SOHLH1: variants seen among roughly 807,000 people sequenced by gnomAD.
The protein encoded by SOHLH1 is spermatogenesis- and oogenesis-specific basic helix-loop-helix-containing protein 1.
Under a neutral mutation model 36.2 loss-of-function variants are expected in SOHLH1, and 23 were observed. The observed-to-expected ratio is 0.64, with a 90% confidence interval of 0.46 to 0.90. The LOEUF is 0.90. Among genes scored for constraint, SOHLH1 ranks in the 40% least tolerant of loss-of-function variants. The pLI is 0.00. For missense variants in SOHLH1, 608 were observed against 517.0 expected, an observed-to-expected ratio of 1.18 and a Z score of -1.71; for synonymous variants, 289 against 228.3, an observed-to-expected ratio of 1.27 and a Z score of -2.40.
In SOHLH1 at chr9:135,699,303, C is replaced by T. The variant is rs1247906913; in HGVS notation, c.65+100G>A. The stretch of plus-strand genomic sequence containing the variant: ...CTCTCCCAGGGTCCAGGGCTCCGCC[C>T]CAGGAGGCCCAGGATGGGTGGAGCC... On this transcript the variant is annotated intron_variant, in intron 1 of 7. Coordinates refer to ENST00000425225, the MANE Select transcript of SOHLH1 (RefSeq NM_001101677.2). The T allele has an allele frequency of 2.7e-6, 4 of 1,498,658 alleles. No homozygotes were observed. In the African/African-American group the frequency reaches 5.5e-5, roughly 21 times the overall value. 92.8% of individuals were successfully genotyped at this position (1,498,658 alleles called of 1,614,324 possible).
At chr9:135,694,005 G>A (rs534758336) in intron 7 of SOHLH1, 191 bp from the exon 8 acceptor site, 5 of 1,428,516 alleles carry the variant, frequency 3.5e-6, no homozygotes, top group African/African-American at 1.4e-5. Context: ...TGTTGGACCA[G>A]AACCAGGAAC....
At chr9:135,696,489 C>T in intron 5 of SOHLH1, 123 bp downstream of exon 5, 1 of 1,162,976 alleles carries the variant, frequency 8.6e-7, no homozygotes, top group Non-Finnish European at 1.2e-6. Context: ...TTCTCACCAA[C>T]ACAAGGGCCT....
intron 2 of SOHLH1, 68 bp from the exon 3 acceptor site, chr9:135,698,544 T>G: frequency 1.2e-6 from 2 of 1,607,540 alleles, no homozygotes; most frequent in Non-Finnish European, 1.7e-6. Context: ...CAGCAACTGC[T>G]AGAACCTGCC....
At position 135,698,433 on chromosome 9, in the gene SOHLH1, G is replaced by A. The variant is rs199555922; in HGVS notation, c.241C>T (p.Pro81Ser). 6.2e-7 allele frequency: 1 copy of A among 1,613,228 alleles called. No homozygotes were observed. Residue 81 changes from proline (P) to serine (S), a missense_variant, in exon 3 of 8, where the codon CCC becomes TCC. Coordinates refer to ENST00000425225, the MANE Select transcript of SOHLH1 (RefSeq NM_001101677.2). The stretch of plus-strand genomic sequence containing the variant: ...TCCTCCCGCCGGCCATCGAACTGGG[G>A]CAGCAGGGCCCGCAGACGCTCACAG... ...LSCERLRALL[P>S]QFDGRREDMA...
Position 135,693,679 on chromosome 9 carries a change from G to A in SOHLH1, c.1082C>T (p.Pro361Leu), listed in dbSNP as rs142298232. ...TGCACAGTCCACATCCAGGCCCCAC[G>A]GCTCCAGAGGGCTGTCCTGGAGCTC... ...SQELQDSPLE[P>L]WGLDVDCAGL... Residue 361 changes from proline to leucine, a missense_variant, in exon 8 of 8, where the codon CCG becomes CTG. Pro to Leu is a moderately conservative substitution (Grantham distance 98). Coordinates refer to ENST00000425225, the MANE Select transcript of SOHLH1 (RefSeq NM_001101677.2). 1,702 of 1,580,902 alleles carry A rather than the reference G, an allele frequency of 1.1e-3. 12 individuals carry two copies. In the African/African-American group the frequency reaches 0.02, roughly 19 times the overall value.
At position 135,696,880 on chromosome 9, in the gene SOHLH1, G is replaced by T; in HGVS notation, c.468-75C>A. 3 of 1,504,738 alleles carry T rather than the reference G, an allele frequency of 2.0e-6. No individual in the cohort carries two copies. The Admixed American group carries it at 5.7e-5, about 28-fold the overall frequency. The allele number at this position is 1,504,738 out of a possible 1,614,324, so 93.2% of individuals were successfully genotyped here. On this transcript the variant is annotated intron_variant, in intron 4 of 7. Coordinates refer to ENST00000425225, the MANE Select transcript of SOHLH1 (RefSeq NM_001101677.2). ...GGAAGGCTGCCCCCACCCACCCCAA[G>T]AGCAGAGGGCTGGACCCATCCCCAG...
rs1480673325 is a variant in SOHLH1 at position 135,695,015 on chromosome 9, G to A, written c.875+35C>T. The stretch of plus-strand genomic sequence containing the variant: ...GGCTCACACACACATGCTCGCTCAC[G>A]CACACACAGGCGTGCACACCACCTG... On this transcript the variant is annotated intron_variant, in intron 6 of 7. Transcript: ENST00000425225. 2.0e-5 allele frequency: 31 copies of A among 1,556,352 alleles called. No individual in the cohort carries two copies. The Admixed American group carries it at 2.0e-4, about 10-fold the overall frequency.
At chr9:135,699,556 T>G, upstream of SOHLH1, 1 of 1,416,214 alleles carries the variant, frequency 7.1e-7, no homozygotes, top group Non-Finnish European at 9.8e-7. Context: ...ACCTGCCACG[T>G]GCTTTCCACC....
Position 135,695,061 on chromosome 9 carries a change from C to A in SOHLH1, c.864G>T (p.Ala288=), listed in dbSNP as rs764239665. The A allele has an allele frequency of 1.3e-6, 2 of 1,594,588 alleles. No individual in the cohort carries two copies. The highest frequency in any genetic ancestry group is 1.3e-5 in the African/African-American group (1 of 74,432). ...GEPAKEDPML[A]QEAGSALGSD... ...ACCTGGGCACTCACCCGGCCTCCTG[C>A]GCCAGCATGGGGTCCTCCTTGGCTG... The change falls in exon 6 of 8, where the codon GCG becomes GCT. Residue 288 remains alanine (A), a synonymous_variant. Transcript: ENST00000425225.
upstream of SOHLH1, among the ~76,000 whole-genome samples, chr9:135,701,233 C>T (rs1835024469): frequency 6.6e-6 from 1 of 152,182 alleles, no homozygotes; most frequent in Non-Finnish European, 1.5e-5. Context: ...CCCCACCCAC[C>T]CCTCAAAAGC....
At chr9:135,697,883 A>C (rs769162661) in intron 3 of SOHLH1, among the ~76,000 whole-genome samples, 42 of 152,140 alleles carry the variant, frequency 2.8e-4, no homozygotes, top group Admixed American at 6.5e-4. Flanking sequence ...CACAGATGAC[A>C]ACACAGTTTC....
intron 7 of SOHLH1, chr9:135,694,156 C>A: frequency 1.4e-6 from 2 of 1,436,024 alleles, no homozygotes; most frequent in Non-Finnish European, 1.8e-6. Context: ...CCAAGCACCG[C>A]CAGCTCTCAT....
rs1323410553 is a variant in SOHLH1 at position 135,699,415 on chromosome 9, A to G, written c.53T>C (p.Val18Ala). ...CCCAATTCCTCACTTGCATCCCCTG[A>G]CGGTAGGGATTCTGGAGACCTCCGG... ...PYPEVSRIPT[V>A]RGCNGSLSGA... The change falls in exon 1 of 8, where the codon GTC (valine) becomes GCC (alanine). Residue 18 changes from valine (V) to alanine (A), a missense_variant. Coordinates refer to ENST00000425225, the MANE Select transcript of SOHLH1 (RefSeq NM_001101677.2). 6.2e-7 allele frequency: 1 copy of G among 1,612,042 alleles called. No individual in the cohort carries two copies. Among genetic ancestry groups the G allele is most frequent in the Non-Finnish European group, 8.5e-7 (1 of 1,179,692 alleles).
chr9:135,694,273 C>T, intron 7 of SOHLH1, 114 bp downstream of exon 7: 1 of 1,567,198 alleles, frequency 6.4e-7, no homozygotes, highest in Non-Finnish European at 8.6e-7. Context: ...AAAACGGGGG[C>T]TCAGACACAG....
chr9:135,696,517 C>CT lies in SOHLH1; in HGVS notation c.661+94_661+95insA, dbSNP rs5901088. ...AAGGGCCTGGGAAAACTTCGAACCC[C>CT]GTTTGCAAACAGCCCCCATTGTTCT... On this transcript the variant is annotated intron_variant, in intron 5 of 7. Transcript: ENST00000425225. 5.5e-4 allele frequency: 789 copies of CT among 1,433,306 alleles called. 10 individuals carry two copies. In the African/African-American group the frequency reaches 0.01, roughly 18 times the overall value. The allele number at this position is 1,433,306 out of a possible 1,614,324, so 88.8% of individuals were successfully genotyped here. A position where few individuals can be genotyped will look rare whatever the true frequency, so the allele number is the denominator to read the frequency against.
In SOHLH1 at chr9:135,694,002, C is replaced by T. The variant is rs530899521; in HGVS notation, c.947-188G>A. 1,667 of 1,428,736 alleles carry T rather than the reference C, an allele frequency of 1.2e-3. 1 individual carries two copies. Among genetic ancestry groups the T allele is most frequent in the Admixed American group, 2.8e-3 (99 of 34,886 alleles). 88.5% of individuals were successfully genotyped at this position (1,428,736 alleles called of 1,614,324 possible). ...CCCCAGACCCAGGACACCTGTTGGA[C>T]CAGAACCAGGAACGGGCTCCCAAAC... On this transcript the variant is annotated intron_variant, in intron 7 of 7. Coordinates refer to ENST00000425225, the MANE Select transcript of SOHLH1 (RefSeq NM_001101677.2).
At chr9:135,699,678 G>A, upstream of SOHLH1, 1 of 643,764 alleles carries the variant, frequency 1.6e-6, no homozygotes, top group East Asian at 2.7e-5. Flanking sequence ...AGAAGGTGCT[G>A]GAAAGGGACT....
intron 2 of SOHLH1, 26 bp from the exon 3 acceptor site, chr9:135,698,502 C>T (rs764434774): frequency 2.5e-6 from 4 of 1,612,904 alleles, no homozygotes; most frequent in Non-Finnish European, 3.4e-6. Flanking sequence ...AAACAAATAC[C>T]TCTGGGCCCT....
At chr9:135,699,486 C>A (rs200447810), upstream of SOHLH1, 2,621 of 1,609,056 alleles carry the variant, frequency 1.6e-3, 6 homozygotes, top group Non-Finnish European at 1.8e-3. Flanking sequence ...AGCTGCGGAG[C>A]GACCCCACGC....
Sources: gnomAD v4.1 joint callset for allele counts (sites outside exome capture counted in the v4.1 genomes callset) on GRCh38, gnomAD v4.1.1 for gene constraint, MANE v1.5 for transcripts, NCBI Gene and HGNC (gene_info 2026-07-23, HGNC 2026-07-21) for gene names.